ARRB2: variants seen among roughly 807,000 people sequenced by gnomAD.
The protein encoded by ARRB2 is arrestin beta 2.
ARRB2 carries 21 observed loss-of-function variants against 53.4 expected under a neutral mutation model. The ratio of observed to expected loss-of-function variants is 0.39; its 90% CI spans 0.28 to 0.57. The LOEUF (loss-of-function observed/expected upper bound fraction) is 0.57, where lower values mean the gene tolerates loss of function less well. ARRB2 is among the 20% of genes least tolerant of loss of function. ARRB2 has a pLI of 0.55. For synonymous variants in ARRB2, 180 were observed against 212.9 expected (o/e 0.85, Z 1.34); for missense variants, 369 against 527.5 (o/e 0.70, Z 2.94).
intron 1 of ARRB2, among the ~76,000 whole-genome samples, chr17:4,711,273 G>A (rs907918716): frequency 1.3e-5 from 2 of 152,124 alleles, no homozygotes; most frequent in African/African-American, 4.8e-5. Flanking sequence ...GGGGAGCCGA[G>A]TGCGTGGCGA....
In ARRB2 at chr17:4,719,143, G is replaced by A. The variant is rs1915416303; in HGVS notation, c.780-140G>A. ...GGCTGTTAATTTTCTTGAGCACGTT[G>A]AGCCAAAACCTACTCCCTTGTGACC... On this transcript the variant is annotated intron_variant, in intron 10 of 14. Coordinates refer to ENST00000269260, the MANE Select transcript of ARRB2 (RefSeq NM_004313.4). The A allele has an allele frequency of 3.0e-6, 3 of 1,013,552 alleles. No homozygotes were observed. The South Asian group carries it at 5.3e-5, about 18-fold the overall frequency. The allele number at this position is 1,013,552 out of a possible 1,614,324, so 62.8% of individuals were successfully genotyped here.
chr17:4,719,271 C>G lies in ARRB2; in HGVS notation c.780-12C>G. On this transcript the variant is annotated splice_polypyrimidine_tract_variant and intron_variant, in intron 10 of 14. Coordinates refer to ENST00000269260, the MANE Select transcript of ARRB2 (RefSeq NM_004313.4). ...GCCCCTAAGCATCTTGTTCTCTTGT[C>G]CCCACCCCCAGTGACCAGGTATCTC... 1.2e-6 allele frequency: 2 copies of G among 1,607,336 alleles called. No individual in the cohort carries two copies. The highest frequency in any genetic ancestry group is 1.7e-6 in the Non-Finnish European group (2 of 1,175,504).
chr17:4,715,954 G>A lies in ARRB2; in HGVS notation c.55-19G>A. The A allele has an allele frequency of 6.2e-7, 1 of 1,614,116 alleles. No individual in the cohort carries two copies. The highest frequency in any genetic ancestry group is 8.5e-7 in the Non-Finnish European group (1 of 1,180,008). On this transcript the variant is annotated intron_variant, in intron 2 of 14. Coordinates refer to ENST00000269260, the MANE Select transcript of ARRB2 (RefSeq NM_004313.4). Reference sequence around the variant, plus strand: ...CACCATCCTCCCCAATCTCCCCTGTGACCCCTTGACATCCTCAGCTCACCG... The same window carrying A: ...CACCATCCTCCCCAATCTCCCCTGTAACCCCTTGACATCCTCAGCTCACCG...
At chr17:4,710,974 C>G (rs1469356362) in intron 1 of ARRB2, among the ~76,000 whole-genome samples, 2 of 152,134 alleles carry the variant, frequency 1.3e-5, no homozygotes, top group African/African-American at 4.8e-5. Flanking sequence ...AAACCGGTGT[C>G]GGGGTTCTCG....
At chr17:4,720,845 C>A (rs777237059) in intron 14 of ARRB2, 101 bp from the exon 15 acceptor site, 1 of 1,258,688 alleles carries the variant, frequency 7.9e-7, no homozygotes, top group Non-Finnish European at 1.1e-6. Context: ...GCTGTTCGAA[C>A]GCCTCTGTCC....
In ARRB2 at chr17:4,717,179, T is replaced by C. The variant is rs533530805; in HGVS notation, c.358-38T>C. On this transcript the variant is annotated intron_variant, in intron 5 of 14. Transcript: ENST00000269260. The surrounding 1 kb of genome is among the most constrained non-coding windows in gnomAD (Gnocchi z 6.0). ...GATTTGGAGGAAGATCTGGGGGCTT[T>C]CTGGAAGAACTGAAGTCTTCTCCTT... 6 of 1,605,050 alleles carry C rather than the reference T, an allele frequency of 3.7e-6. No homozygotes were observed. The South Asian group carries it at 5.5e-5, about 15-fold the overall frequency.
Position 4,717,469 on chromosome 17 carries a change from C to T in ARRB2, c.417+193C>T. 1.2e-6 allele frequency: 1 copy of T among 861,750 alleles called. No homozygotes were observed. The highest frequency in any genetic ancestry group is 1.8e-6 in the Non-Finnish European group (1 of 548,008). 53.4% of individuals were successfully genotyped at this position (861,750 alleles called of 1,614,324 possible). On this transcript the variant is annotated intron_variant, in intron 6 of 14. Transcript: ENST00000269260. The surrounding 1 kb of genome is among the most constrained non-coding windows in gnomAD (Gnocchi z 6.0). ...TGACACTGCCTCCTGCTCTGTGGAC[C>T]CGCATGGATCTGGGGATGGGGGCTC... is the stretch of plus-strand genomic sequence containing the variant.
At chr17:4,713,092 C>A (rs35592645) in intron 1 of ARRB2, among the ~76,000 whole-genome samples, 39,153 of 152,106 alleles carry the variant, frequency 0.26, 5,233 homozygotes, top group Middle Eastern at 0.35. Flanking sequence ...CACGGTGGCT[C>A]ACGCCTGTAA....
intron 2 of ARRB2, chr17:4,715,563 A>G (rs1029647024): frequency 8.4e-6 from 2 of 237,884 alleles, no homozygotes; most frequent in Non-Finnish European, 1.6e-5. Flanking sequence ...AAACACACAC[A>G]CACGGACACA....
At position 4,718,818 on chromosome 17, in the gene ARRB2, G is replaced by C. The variant is rs990115397; in HGVS notation, c.779+134G>C. 7.3e-6 allele frequency: 7 copies of C among 959,162 alleles called. No homozygotes were observed. The African/African-American group carries it at 9.5e-5, about 13-fold the overall frequency. The allele number at this position is 959,162 out of a possible 1,614,324, so 59.4% of individuals were successfully genotyped here. On this transcript the variant is annotated intron_variant, in intron 10 of 14. Coordinates refer to ENST00000269260, the MANE Select transcript of ARRB2 (RefSeq NM_004313.4). ...TTTTTGAGATGGAGTTTTTGCTCTT[G>C]TTGCCCAGCCTGGAGTGCAATGGGG...
Position 4,721,035 on chromosome 17 carries a change from G to A in ARRB2, c.1226G>A (p.Cys409Tyr). ...GATGACGACTATGATGATCAACTCT[G>A]CTAGGAAGCGGGGTGGGAAGAAGGG... ...MKDDDYDDQL[C>Y] is the part of the protein sequence containing the mutation. Residue 409 changes from cysteine to tyrosine, a missense_variant, in exon 15 of 15, where the codon TGC becomes TAC. By Grantham distance (194) the Cys-to-Tyr change is radical (BLOSUM62 -2). Transcript: ENST00000269260. The surrounding 1 kb of genome is among the most constrained non-coding windows in gnomAD (Gnocchi z 4.2). 6.2e-7 allele frequency: 1 copy of A among 1,613,876 alleles called. No individual in the cohort carries two copies. The highest frequency in any genetic ancestry group is 8.5e-7 in the Non-Finnish European group (1 of 1,179,804).
Position 4,717,123 on chromosome 17 carries a change from C to T in ARRB2, c.358-94C>T, listed in dbSNP as rs1915154861. On this transcript the variant is annotated intron_variant, in intron 5 of 14. Transcript: ENST00000269260. The surrounding 1 kb of genome is among the most constrained non-coding windows in gnomAD (Gnocchi z 6.0). ...TGTTGGGATTACAGGCATGAGCCAC[C>T]ACACCCAGCGTCTCCAGCCTCTTAG... is the stretch of plus-strand genomic sequence containing the variant. 3.6e-6 allele frequency: 5 copies of T among 1,401,030 alleles called. No individual in the cohort carries two copies. The highest frequency in any genetic ancestry group is 5.1e-6 in the Non-Finnish European group (5 of 988,588). The allele number at this position is 1,401,030 out of a possible 1,614,324, so 86.8% of individuals were successfully genotyped here.
chr17:4,717,894 T>C lies in ARRB2; in HGVS notation c.492T>C (p.Ser164=), dbSNP rs1312266190. ...SLEEKSHKRN[S]VRLVIRKVQF... is the part of the protein sequence containing the mutation. Reference sequence around the variant, plus strand: ...GCCCCTACTCTGATCCCAGGAACTCTGTGCGGCTGGTGATCCGAAAGGTGC... The same window carrying C: ...GCCCCTACTCTGATCCCAGGAACTCCGTGCGGCTGGTGATCCGAAAGGTGC... The change falls in exon 8 of 15, where the codon TCT becomes TCC. Residue 164 remains serine, a synonymous_variant. Coordinates refer to ENST00000269260, the MANE Select transcript of ARRB2 (RefSeq NM_004313.4). This position sits in a 1 kb window ranked among gnomAD's most constrained non-coding sequence, Gnocchi z 6.0. 1 of 1,614,066 alleles carries C rather than the reference T, an allele frequency of 6.2e-7. No homozygotes were observed. The highest frequency in any genetic ancestry group is 8.5e-7 in the Non-Finnish European group (1 of 1,180,022).
chr17:4,718,138 C>T (rs1430894065), intron 8 of ARRB2, 115 bp downstream of exon 8: 1 of 1,561,282 alleles, frequency 6.4e-7, no homozygotes, highest in African/African-American at 1.4e-5. Context: ...TGGGTGTGGA[C>T]AGTTGCCGTG....
chr17:4,720,401 C>T lies in ARRB2; in HGVS notation c.1010C>T (p.Ser337Phe), dbSNP rs777117300. 6.2e-7 allele frequency: 1 copy of T among 1,613,878 alleles called. No individual in the cohort carries two copies. Among genetic ancestry groups the T allele is most frequent in the Non-Finnish European group, 8.5e-7 (1 of 1,179,918 alleles). Residue 337 changes from serine (S) to phenylalanine (F), a missense_variant, in exon 13 of 15, where the codon TCT (serine) becomes TTT (phenylalanine). Coordinates refer to ENST00000269260, the MANE Select transcript of ARRB2 (RefSeq NM_004313.4). ...CCTCTCCCCTTCCCCAGGGATGTCT[C>T]TGTGGAGCTGCCTTTTGTTCTTATG... ...KLVVSRGGDVSVELPFVLMHP... is the reference protein window; with the variant it reads ...KLVVSRGGDVFVELPFVLMHP...
At chr17:4,712,431 C>T (rs1914500521) in intron 1 of ARRB2, among the ~76,000 whole-genome samples, 1 of 152,232 alleles carries the variant, frequency 6.6e-6, no homozygotes, top group South Asian at 2.1e-4. Context: ...CTCCTATATG[C>T]TCCAGCTGTC....
In ARRB2 at chr17:4,716,020, A is replaced by G. The variant is rs371265375; in HGVS notation, c.102A>G (p.Lys34=). Residue 34 remains lysine, a synonymous_variant, in exon 3 of 15, where the codon AAA becomes AAG. Transcript: ENST00000269260. Reference sequence around the variant, plus strand: ...GGGACTTCGTAGATCACCTGGACAAAGTGGACCCTGTAGGTAAGTTTTCCC... The same window carrying G: ...GGGACTTCGTAGATCACCTGGACAAGGTGGACCCTGTAGGTAAGTTTTCCC... ...GKRDFVDHLD[K]VDPVDGVVLV... is the part of the protein sequence containing the mutation. 7 of 1,614,086 alleles carry G rather than the reference A, an allele frequency of 4.3e-6. No individual in the cohort carries two copies. In the African/African-American group the frequency reaches 9.3e-5, roughly 22 times the overall value.
At position 4,720,397 on chromosome 17, in the gene ARRB2, GTC is replaced by G; in HGVS notation, c.1010_1011del (p.Ser337CysfsTer38). The G allele has an allele frequency of 6.2e-7, 1 of 1,613,794 alleles. No homozygotes were observed. The highest frequency in any genetic ancestry group is 8.5e-7 in the Non-Finnish European group (1 of 1,179,896). On this transcript the variant is annotated frameshift_variant, in exon 13 of 15. Coordinates refer to ENST00000269260, the MANE Select transcript of ARRB2 (RefSeq NM_004313.4). LOFTEE classifies it high-confidence loss of function. ...VKLVVSRGGD[V>X]SVELPFVLMH... ...GATGCCTCTCCCCTTCCCCAGGGAT[GTC>G]TCTGTGGAGCTGCCTTTTGTTCTTA...
intron 10 of ARRB2, 68 bp from the exon 11 acceptor site, chr17:4,719,215 G>T: frequency 6.4e-7 from 1 of 1,553,156 alleles, no homozygotes; most frequent in South Asian, 1.2e-5. Context: ...TGCTGCTTGG[G>T]GGTCATAGGC....
Sources: gnomAD v4.1 joint callset for allele counts (sites outside exome capture counted in the v4.1 genomes callset) on GRCh38, gnomAD v4.1.1 for gene constraint, Gnocchi (gnomAD v3.1) non-coding constraint, MANE v1.5 for transcripts, NCBI Gene and HGNC (gene_info 2026-07-23, HGNC 2026-07-21) for gene names.